PLCD4: variants seen among roughly 807,000 people sequenced by gnomAD.
PLCD4 encodes the protein 1-phosphatidylinositol 4,5-bisphosphate phosphodiesterase delta-4.
Under a neutral mutation model 90.2 loss-of-function variants are expected in PLCD4, and 63 were observed. The ratio of observed to expected loss-of-function variants is 0.70; its 90% CI spans 0.57 to 0.86. The LOEUF is 0.86. Among genes scored for constraint, PLCD4 ranks in the 40% least tolerant of loss-of-function variants. The pLI is 0.00. For synonymous variants in PLCD4, 294 were observed against 356.5 expected (o/e 0.82, Z 1.97); for missense variants, 830 against 956.3 (o/e 0.87, Z 1.74).
chr2:218,611,360 C>T (rs1695324898), intron 1 of PLCD4, among the ~76,000 whole-genome samples: 1 of 152,150 alleles, frequency 6.6e-6, no homozygotes, highest in South Asian at 2.1e-4. Context: ...GGTGTTCAGG[C>T]ACTTGGGCTC....
chr2:218,621,936 C>G (rs982658957), intron 5 of PLCD4, among the ~76,000 whole-genome samples: 4 of 151,716 alleles, frequency 2.6e-5, no homozygotes, highest in Non-Finnish European at 5.9e-5. Context: ...AAAAATTAGC[C>G]GGGTGTGGTT....
At chr2:218,611,771 G>C (rs1009649344) in intron 1 of PLCD4, among the ~76,000 whole-genome samples, 2 of 151,680 alleles carry the variant, frequency 1.3e-5, no homozygotes, top group African/African-American at 4.8e-5. Flanking sequence ...GCTACTTTTC[G>C]TATTTTTAAT....
In PLCD4 at chr2:218,622,775, T is replaced by G. The variant is rs762774459; in HGVS notation, c.669T>G (p.Thr223=). The G allele has an allele frequency of 6.2e-7, 1 of 1,614,002 alleles. No individual in the cohort carries two copies. The highest frequency in any genetic ancestry group is 1.1e-5 in the South Asian group (1 of 91,088). The change falls in exon 6 of 16, where the codon ACT becomes ACG. Residue 223 remains threonine, a synonymous_variant. Coordinates refer to ENST00000450993, the MANE Select transcript of PLCD4 (RefSeq NM_032726.4). ...TTTCAGCTGATGGGCAGAAGCTGAC[T>G]CTGCTGGAATTTTTGGATTTCCTCC... ...ESFSADGQKL[T]LLEFLDFLQE... is the part of the protein sequence containing the mutation.
At chr2:218,615,623 T>A (rs1695540680) in intron 1 of PLCD4, 84 bp from the exon 2 acceptor site, 1 of 1,220,184 alleles carries the variant, frequency 8.2e-7, no homozygotes, top group African/African-American at 1.5e-5. Context: ...TCAGAGTCAC[T>A]AAACTCAAAA....
rs373959827 is a variant in PLCD4 at position 218,636,533 on chromosome 2, G to T, written c.2245G>T (p.Val749Leu). The change falls in exon 16 of 16, where the codon GTG (valine) becomes TTG (leucine). Residue 749 changes from valine (V) to leucine (L), a missense_variant. Coordinates refer to ENST00000450993, the MANE Select transcript of PLCD4 (RefSeq NM_032726.4). ...GISLRPASIF[V>L]YICIQEGLEG... ...CAGCCTCCGCCCAGCTTCCATCTTT[G>T]TGTATATCTGCATCCAGGAAGGCCT... 1 of 1,613,864 alleles carries T rather than the reference G, an allele frequency of 6.2e-7. No individual in the cohort carries two copies. The highest frequency in any genetic ancestry group is 1.3e-5 in the African/African-American group (1 of 74,928).
At position 218,616,073 on chromosome 2, in the gene PLCD4, T is replaced by G. The variant is rs1186805290; in HGVS notation, c.181+11T>G. 1.2e-6 allele frequency: 2 copies of G among 1,612,192 alleles called. No individual in the cohort carries two copies. The highest frequency in any genetic ancestry group is 1.7e-6 in the Non-Finnish European group (2 of 1,179,086). On this transcript the variant is annotated intron_variant, in intron 3 of 15. Coordinates refer to ENST00000450993, the MANE Select transcript of PLCD4 (RefSeq NM_032726.4). ...GTGCCAAGCCCAGCTGTGAGTGACC[T>G]GGATAGTGGGGGGTGGATACATGGG...
Position 218,621,512 on chromosome 2 carries a change from T to G in PLCD4, c.453T>G (p.Asp151Glu), listed in dbSNP as rs763205099. The stretch of plus-strand genomic sequence containing the variant: ...TTCAACGTGGAGACAAAAATCAGGA[T>G]GGTAAGATGAGTTTCCAAGAAGTTC... The part of the protein sequence containing the change: ...DWFQRGDKNQ[D>E]GKMSFQEVQR... The change falls in exon 5 of 16, where the codon GAT becomes GAG. Residue 151 changes from aspartate to glutamate, a missense_variant. Transcript: ENST00000450993. The G allele has an allele frequency of 5.0e-6, 8 of 1,613,946 alleles. No homozygotes were observed. The highest frequency in any genetic ancestry group is 2.2e-5 in the South Asian group (2 of 91,084).
rs772300110 is a variant in PLCD4 at position 218,634,569 on chromosome 2, A to G, written c.1835A>G (p.Gln612Arg). 6.2e-7 allele frequency: 1 copy of G among 1,614,046 alleles called. No homozygotes were observed. The highest frequency in any genetic ancestry group is 1.1e-5 in the South Asian group (1 of 91,088). The change falls in exon 13 of 16, where the codon CAG becomes CGG. Residue 612 changes from glutamine to arginine, a missense_variant. Gln to Arg is a conservative substitution (Grantham distance 43, BLOSUM62 1). Coordinates refer to ENST00000450993, the MANE Select transcript of PLCD4 (RefSeq NM_032726.4). This position sits in a 1 kb window ranked among gnomAD's most constrained non-coding sequence, Gnocchi z 4.0. ...VLKPDFLRDI[Q>R]SSFHPEKPIS... Reference sequence around the variant, plus strand: ...AAGCCAGACTTCCTGCGTGATATCCAGAGTTCTTTCCACCCTGAGAAGCCC... The same window carrying G: ...AAGCCAGACTTCCTGCGTGATATCCGGAGTTCTTTCCACCCTGAGAAGCCC...
intron 4 of PLCD4, among the ~76,000 whole-genome samples, chr2:218,619,429 GACTACAGGTGCATGCCACC>G (rs986135593): frequency 1.3e-5 from 2 of 151,946 alleles, no homozygotes; most frequent in African/African-American, 4.8e-5. Context: ...GAGTAGCTGG[GACTACAGGTGCATGCCACC>G]ACGCCCAGCT....
chr2:218,619,864 G>C (rs1379399287), intron 4 of PLCD4, among the ~76,000 whole-genome samples: 1 of 152,064 alleles, frequency 6.6e-6, no homozygotes, highest in Admixed American at 6.6e-5. Flanking sequence ...TGAATGTGTA[G>C]AGCACCATAA....
chr2:218,627,971 G>A, intron 6 of PLCD4, 58 bp from the exon 7 acceptor site: 1 of 1,466,058 alleles, frequency 6.8e-7, no homozygotes, highest in African/African-American at 1.4e-5. Context: ...GACTGTAGGT[G>A]TGCTGGGATG....
At position 218,632,191 on chromosome 2, in the gene PLCD4, T is replaced by A; in HGVS notation, c.1328T>A (p.Leu443Gln). The A allele has an allele frequency of 6.2e-7, 1 of 1,611,076 alleles. No homozygotes were observed. Among genetic ancestry groups the A allele is most frequent in the Non-Finnish European group, 8.5e-7 (1 of 1,178,824 alleles). The change falls in exon 10 of 16, where the codon CTG becomes CAG. Residue 443 changes from leucine to glutamine, a missense_variant. Transcript: ENST00000450993. The part of the protein sequence containing the change: ...KGKKLTLEED[L>Q]EYEEEEAEPE... The stretch of plus-strand genomic sequence containing the variant: ...AAGAAGTTAACACTTGAGGAAGACC[T>A]GGAATATGAGGAAGAGGAAGCAGAA...
At chr2:218,629,464 T>C in intron 7 of PLCD4, 55 bp from the exon 8 acceptor site, 1 of 1,594,836 alleles carries the variant, frequency 6.3e-7, no homozygotes, top group Non-Finnish European at 8.5e-7. Flanking sequence ...AGTCCCTAGG[T>C]AGAAGATCAG....
Position 218,632,276 on chromosome 2 carries a change from C to A in PLCD4, c.1413C>A (p.Pro471=). ...LESQFETEPE[P]QEQNLQNKDK... ...CCCAGTTTGAGACTGAGCCTGAGCC[C>A]CAGGAGCAGAACCTTCAGAATAAGG... The change falls in exon 10 of 16, where the codon CCC becomes CCA. Residue 471 remains proline (P), a synonymous_variant. Transcript: ENST00000450993. 1 of 1,611,052 alleles carries A rather than the reference C, an allele frequency of 6.2e-7. No individual in the cohort carries two copies. The highest frequency in any genetic ancestry group is 8.5e-7 in the Non-Finnish European group (1 of 1,178,740).
intron 9 of PLCD4, 76 bp downstream of exon 9, chr2:218,630,878 C>T: frequency 6.9e-7 from 1 of 1,441,262 alleles, no homozygotes; most frequent in Non-Finnish European, 9.3e-7. Context: ...TCCTCTATGC[C>T]CCTCTTTGTT....
In PLCD4 at chr2:218,634,413, G is replaced by GC; in HGVS notation, c.1724-43dup. The GC allele has an allele frequency of 6.3e-7, 1 of 1,591,772 alleles. No homozygotes were observed. The highest frequency in any genetic ancestry group is 2.2e-5 in the East Asian group (1 of 44,678). Reference sequence around the variant, plus strand: ...AACTCCCTGAAAGAGGGGCTGGAAGGCCTCCATGGTGAATCTTGCTCTTCT... The same window carrying GC: ...AACTCCCTGAAAGAGGGGCTGGAAGGCCCTCCATGGTGAATCTTGCTCTTCT... On this transcript the variant is annotated intron_variant, in intron 12 of 15. Transcript: ENST00000450993. The surrounding 1 kb of genome is among the most constrained non-coding windows in gnomAD (Gnocchi z 4.0).
Position 218,630,783 on chromosome 2 carries a change from C to T in PLCD4, c.1253C>T (p.Thr418Ile), listed in dbSNP as rs777100127. Residue 418 changes from threonine (T) to isoleucine (I), a missense_variant, in exon 9 of 16, where the codon ACT becomes ATT. Transcript: ENST00000450993. ...ACCACCTTGGATGGGGTGCTGCCCA[C>T]TCAGCTGCCCTCGCCTGAGGTAGGG... is the stretch of plus-strand genomic sequence containing the variant. ...LSTTLDGVLP[T>I]QLPSPEELRR... 72 of 1,613,252 alleles carry T rather than the reference C, an allele frequency of 4.5e-5. No homozygotes were observed. The South Asian group carries it at 7.5e-4, about 17-fold the overall frequency.
intron 1 of PLCD4, among the ~76,000 whole-genome samples, 173 bp from the exon 2 acceptor site, chr2:218,615,534 G>A (rs1218681164): frequency 6.6e-6 from 1 of 152,192 alleles, no homozygotes; most frequent in Non-Finnish European, 1.5e-5. Context: ...AATAGCAGAG[G>A]CTCTGGGATC....
At chr2:218,611,631 C>T (rs180822104) in intron 1 of PLCD4, among the ~76,000 whole-genome samples, 28 of 152,298 alleles carry the variant, frequency 1.8e-4, no homozygotes, top group African/African-American at 6.3e-4. Flanking sequence ...GAGAGTCTCA[C>T]TCCGTCACCC....
Sources: gnomAD v4.1 joint callset for allele counts (sites outside exome capture counted in the v4.1 genomes callset) on GRCh38, gnomAD v4.1.1 for gene constraint, Gnocchi (gnomAD v3.1) non-coding constraint, MANE v1.5 for transcripts, NCBI Gene and HGNC (gene_info 2026-07-23, HGNC 2026-07-21) for gene names.